The following FUT8 variants were observed in gnomAD, a reference collection of about 807,000 sequenced individuals.
The protein encoded by FUT8 is fucosyltransferase 8.
Under a neutral mutation model 71.3 loss-of-function variants are expected in FUT8, and 29 were observed. That is an observed-to-expected ratio of 0.41 (90% CI 0.30 to 0.55). The LOEUF is 0.55. Ranked by LOEUF, FUT8 falls within the 20% of genes least tolerant of loss-of-function variation. The pLI, the probability that FUT8 is intolerant of heterozygous loss-of-function variation, is 0.34. For missense variants in FUT8, 544 were observed against 702.1 expected, an observed-to-expected ratio of 0.77 and a Z score of 2.55; for synonymous variants, 254 against 239.3, an observed-to-expected ratio of 1.06 and a Z score of -0.57.
At chr14:65,510,113 T>C (rs1018121160) in intron 2 of FUT8, among the ~76,000 whole-genome samples, 3 of 152,200 alleles carry the variant, frequency 2.0e-5, no homozygotes, top group Non-Finnish European at 4.4e-5. Context: ...GTTTCTTCTA[T>C]ACTCATGTTT....
In FUT8 at chr14:65,531,350, TCTATG is replaced by T. The variant is rs1419920833; in HGVS notation, c.-227-29982_-227-29978del. On this transcript the variant is annotated intron_variant, in intron 2 of 10. Transcript: ENST00000673929. The stretch of plus-strand genomic sequence containing the variant: ...GTGTACCATATCTGATTATTATATG[TCTATG>T]CTATTCTTAGAAGAGGAACTTGAAA... Among the ~76,000 whole-genome samples the T allele has an allele frequency of 1.1e-4, 16 of 152,166 alleles. No individual in the cohort carries two copies. The East Asian group carries it at 3.1e-3, about 29-fold the overall frequency.
At chr14:65,558,319 G>A (rs1215228494) in intron 2 of FUT8, among the ~76,000 whole-genome samples, 9 of 91,116 alleles carry the variant, frequency 9.9e-5, no homozygotes, top group African/African-American at 3.1e-4. Flanking sequence ...GCAACAGAGC[G>A]AGACTCAAAA....
intron 1 of FUT8, among the ~76,000 whole-genome samples, chr14:65,420,747 T>C (rs1781919849): frequency 6.6e-6 from 1 of 152,026 alleles, no homozygotes; most frequent in Non-Finnish European, 1.5e-5. Context: ...AAGATGAAAA[T>C]CCACATGTAA....
At chr14:65,593,555 T>C (rs1459910284) in intron 3 of FUT8, among the ~76,000 whole-genome samples, 1 of 151,432 alleles carries the variant, frequency 6.6e-6, no homozygotes, top group African/African-American at 2.4e-5. Flanking sequence ...TTCTCTAAGG[T>C]GCGCTCTTCT....
intron 3 of FUT8, 89 bp downstream of exon 3, chr14:65,561,855 ATTATTT>A: frequency 9.7e-7 from 1 of 1,035,604 alleles, no homozygotes; most frequent in South Asian, 1.5e-5. Context: ...AAAATAGTTA[ATTATTT>A]TTATAACCTG....
At chr14:65,595,884 C>T (rs957276437) in intron 3 of FUT8, among the ~76,000 whole-genome samples, 8 of 152,322 alleles carry the variant, frequency 5.3e-5, no homozygotes, top group Non-Finnish European at 1.2e-4. Flanking sequence ...GCTGGGATTA[C>T]AGGCGTGAGC....
chr14:65,399,145 C>T, the FUT8 span, among the ~76,000 whole-genome samples: 4 of 152,150 alleles, frequency 2.6e-5, no homozygotes, highest in African/African-American at 9.6e-5. Context: ...GGTGAAACCC[C>T]GTCTCTAGTA....
intron 2 of FUT8, among the ~76,000 whole-genome samples, chr14:65,490,574 A>G (rs566244602): frequency 1.3e-5 from 2 of 152,260 alleles, no homozygotes; most frequent in South Asian, 2.1e-4. Flanking sequence ...TTCAAATTTT[A>G]CTCTACTAGG....
intron 6 of FUT8, among the ~76,000 whole-genome samples, chr14:65,644,080 T>G (rs1890998395): frequency 6.6e-6 from 1 of 152,102 alleles, no homozygotes; most frequent in Non-Finnish European, 1.5e-5. Flanking sequence ...AAGATGGAAT[T>G]TCTTCTTCCA....
intron 2 of FUT8, among the ~76,000 whole-genome samples, chr14:65,537,950 T>A (rs1387966343): frequency 6.6e-6 from 1 of 152,198 alleles, no homozygotes; most frequent in Non-Finnish European, 1.5e-5. Context: ...TCTATCCTTG[T>A]TCGCATGTGC....
intron 6 of FUT8, among the ~76,000 whole-genome samples, chr14:65,642,246 G>A (rs1202652902): frequency 6.6e-6 from 1 of 152,000 alleles, no homozygotes; most frequent in Non-Finnish European, 1.5e-5. Flanking sequence ...CTATTCAATT[G>A]GTCTAGAATC....
At chr14:65,608,044 A>C (rs1396354029) in intron 3 of FUT8, among the ~76,000 whole-genome samples, 12 of 146,714 alleles carry the variant, frequency 8.2e-5, no homozygotes, top group African/African-American at 2.5e-4. Flanking sequence ...CAGCCTGGCA[A>C]CAAAGCTAGA....
chr14:65,635,510 G>A (rs1035203313), intron 6 of FUT8, among the ~76,000 whole-genome samples: 3 of 152,140 alleles, frequency 2.0e-5, no homozygotes, highest in Admixed American at 6.5e-5. Flanking sequence ...TATGTCCCTT[G>A]TATGCCAATT....
At chr14:65,576,109 T>G (rs1347329888) in intron 3 of FUT8, among the ~76,000 whole-genome samples, 1 of 152,200 alleles carries the variant, frequency 6.6e-6, no homozygotes, top group African/African-American at 2.4e-5. Context: ...AGTTGTCTGC[T>G]TTTTTTGGTT....
rs1468665233 is a variant in FUT8 at position 65,560,310 on chromosome 14, A to G, written c.-227-1027A>G. 4.6e-5 allele frequency among the ~76,000 whole-genome samples: 7 copies of G among 151,992 alleles called. No individual in the cohort carries two copies. In the South Asian group the frequency reaches 8.3e-4, roughly 18 times the overall value. Reference sequence around the variant, plus strand: ...TGTCTAGACATATGATTTCTCTTCTATAGCTTTAAAATTATCAAAACATTT... The same window carrying G: ...TGTCTAGACATATGATTTCTCTTCTGTAGCTTTAAAATTATCAAAACATTT... On this transcript the variant is annotated intron_variant, in intron 2 of 10. Transcript: ENST00000673929.
At chr14:65,378,160 G>C in the FUT8 span, among the ~76,000 whole-genome samples, 2 of 152,076 alleles carry the variant, frequency 1.3e-5, no homozygotes, top group Admixed American at 6.5e-5. Context: ...CCAGCTGTAT[G>C]AAAGAGTCTA....
chr14:65,484,231 T>C (rs1308780944), intron 2 of FUT8, among the ~76,000 whole-genome samples: 4 of 152,196 alleles, frequency 2.6e-5, no homozygotes, highest in Non-Finnish European at 5.9e-5. Context: ...AGACAATCCT[T>C]TTATTTCTTT....
At chr14:65,451,280 T>G (rs1217097734) in intron 1 of FUT8, among the ~76,000 whole-genome samples, 2 of 152,244 alleles carry the variant, frequency 1.3e-5, no homozygotes, top group African/African-American at 4.8e-5. Context: ...CTCCACTCAC[T>G]CAGACCCACT....
In FUT8 at chr14:65,616,207, A is replaced by G. The variant is rs776715455; in HGVS notation, c.320-4A>G. 1 of 1,601,088 alleles carries G rather than the reference A, an allele frequency of 6.2e-7. No homozygotes were observed. Among genetic ancestry groups the G allele is most frequent in the Non-Finnish European group, 8.5e-7 (1 of 1,174,640 alleles). On this transcript the variant is annotated splice_region_variant and splice_polypyrimidine_tract_variant and intron_variant, in intron 4 of 10. Coordinates refer to ENST00000673929, the MANE Select transcript of FUT8 (RefSeq NM_001371533.1). ...TGCTACAACTCTCTATTCTTTGACT[A>G]CAGGTCTGGGGAAGGATCATGAAAT...
Sources: allele counts gnomAD v4.1 joint callset (sites outside exome capture counted in the v4.1 genomes callset), GRCh38; gene constraint gnomAD v4.1.1; transcripts MANE v1.5; gene names NCBI Gene and HGNC (gene_info 2026-07-23, HGNC 2026-07-21).